ACVR1: variants seen among roughly 807,000 people sequenced by gnomAD.
ACVR1 encodes the protein activin receptor type-1.
In ACVR1, 38 loss-of-function variants were observed where a neutral mutation model predicts 57.1. That is an observed-to-expected ratio of 0.67 (90% CI 0.51 to 0.87). The LOEUF (loss-of-function observed/expected upper bound fraction) is 0.87, where lower values mean the gene tolerates loss of function less well. ACVR1 is among the 40% of genes least tolerant of loss of function. The pLI, the probability that ACVR1 is intolerant of heterozygous loss-of-function variation, is 0.00. For synonymous variants in ACVR1, 212 were observed against 228.1 expected (o/e 0.93, Z 0.63); for missense variants, 463 against 638.2 (o/e 0.73, Z 2.96).
At chr2:157,798,410 C>T (rs1687199911) in intron 3 of ACVR1, among the ~76,000 whole-genome samples, 1 of 151,574 alleles carries the variant, frequency 6.6e-6, no homozygotes, top group African/African-American at 2.4e-5. Flanking sequence ...AATCTATTTT[C>T]GAAGATGTTG....
chr2:157,820,747 C>T (rs188785943), intron 1 of ACVR1, among the ~76,000 whole-genome samples: 5 of 152,148 alleles, frequency 3.3e-5, no homozygotes, highest in East Asian at 3.9e-4. Flanking sequence ...TTCTAATTCC[C>T]CTGGTATTTA....
chr2:157,765,933 T>G lies in ACVR1; in HGVS notation c.1054A>C (p.Ile352Leu). Reference sequence around the variant, plus strand: ...TTTAGAAATTTACCCAAATCTGCTATGCAACACTGTCCATTCTTCTTAACC... The same window carrying G: ...TTTAGAAATTTACCCAAATCTGCTAGGCAACACTGTCCATTCTTCTTAACC... ...ILVKKNGQCC[I>L]ADLGLAVMHS... The change falls in exon 8 of 11, where the codon ATA becomes CTA. Residue 352 changes from isoleucine (I) to leucine (L), a missense_variant. Ile to Leu is a conservative substitution (Grantham distance 5). Around this residue, in one of 3 missense-constraint regions of ACVR1, gnomAD observed 114 missense variants for 216.2 expected, o/e 0.53. Coordinates refer to ENST00000434821, the MANE Select transcript of ACVR1 (RefSeq NM_001111067.4). The G allele has an allele frequency of 1.2e-6, 2 of 1,614,124 alleles. No individual in the cohort carries two copies. Among genetic ancestry groups the G allele is most frequent in the Non-Finnish European group, 1.7e-6 (2 of 1,180,016 alleles).
rs201217132 is a variant in ACVR1 at position 157,816,963 on chromosome 2, A to AT, written c.-8+1421dup. On this transcript the variant is annotated intron_variant, in intron 2 of 10. Coordinates refer to ENST00000434821, the MANE Select transcript of ACVR1 (RefSeq NM_001111067.4). ...AGCATTTCATCCTGGATAGCGAGACATTTTTTTTTTTTTTGATACAAGGTC... is the reference window on the plus strand; with the variant it reads ...AGCATTTCATCCTGGATAGCGAGACATTTTTTTTTTTTTTTGATACAAGGTC... 2.0e-3 allele frequency among the ~76,000 whole-genome samples: 284 copies of AT among 144,906 alleles called. 3 individuals carry two copies. The highest frequency in any genetic ancestry group is 3.6e-3 in the Middle Eastern group (1 of 278).
intron 2 of ACVR1, among the ~76,000 whole-genome samples, chr2:157,809,246 G>T (rs1687664154): frequency 6.6e-6 from 1 of 152,074 alleles, no homozygotes. Context: ...CCTTGGAAAA[G>T]AATTCTCTTA....
chr2:157,805,974 C>A (rs1338820432), intron 2 of ACVR1, among the ~76,000 whole-genome samples: 1 of 151,812 alleles, frequency 6.6e-6, no homozygotes, highest in Non-Finnish European at 1.5e-5. Flanking sequence ...CAGGCACATG[C>A]CACCATGTCT....
rs531994947 is a variant in ACVR1 at position 157,742,075 on chromosome 2, C to T, written c.1265-3505G>A. On this transcript the variant is annotated intron_variant, in intron 9 of 10. Coordinates refer to ENST00000434821, the MANE Select transcript of ACVR1 (RefSeq NM_001111067.4). Reference sequence around the variant, plus strand: ...TAGGTGCATGTGGTGGCAGGAGAGCCGGGGGAGAAGAAGGGGACAGGAGGT... The same window carrying T: ...TAGGTGCATGTGGTGGCAGGAGAGCTGGGGGAGAAGAAGGGGACAGGAGGT... Among the ~76,000 whole-genome samples, 37 of 152,008 alleles carry T rather than the reference C, an allele frequency of 2.4e-4. 1 individual carries two copies. The South Asian group carries it at 4.6e-3, about 19-fold the overall frequency.
intron 10 of ACVR1, among the ~76,000 whole-genome samples, 157 bp from the exon 11 acceptor site, chr2:157,737,822 TA>T (rs1339070418): frequency 1.3e-5 from 2 of 152,202 alleles, no homozygotes; most frequent in Non-Finnish European, 1.5e-5. Flanking sequence ...ATTCAACCTT[TA>T]ACCACTGATA....
chr2:157,756,858 T>C (rs956652904), intron 9 of ACVR1, among the ~76,000 whole-genome samples: 1 of 151,538 alleles, frequency 6.6e-6, no homozygotes, highest in African/African-American at 2.4e-5. Context: ...CACACATTTA[T>C]AGCAGCACAG....
intron 1 of ACVR1, among the ~76,000 whole-genome samples, chr2:157,827,559 A>G (rs375728830): frequency 6.6e-6 from 1 of 152,212 alleles, no homozygotes; most frequent in Non-Finnish European, 1.5e-5. Context: ...ATAGTCTCTT[A>G]CTTATCTCTG....
intron 9 of ACVR1, among the ~76,000 whole-genome samples, chr2:157,745,455 T>C (rs564250704): frequency 6.6e-6 from 1 of 152,284 alleles, no homozygotes; most frequent in Non-Finnish European, 1.5e-5. Flanking sequence ...CTTTTAGAAG[T>C]GTGTCAAGGA....
chr2:157,847,994 G>T (rs1312246557), intron 1 of ACVR1, among the ~76,000 whole-genome samples: 4 of 152,150 alleles, frequency 2.6e-5, no homozygotes, highest in African/African-American at 9.7e-5. Flanking sequence ...CAACAACAAG[G>T]AGAGTTTGAG....
chr2:157,796,847 T>G (rs1360867858), intron 3 of ACVR1, among the ~76,000 whole-genome samples: 1 of 152,166 alleles, frequency 6.6e-6, no homozygotes, highest in African/African-American at 2.4e-5. Flanking sequence ...CATTTCCTCG[T>G]ATTAATTCCT....
At chr2:157,767,792 T>C (rs16842021) in intron 7 of ACVR1, among the ~76,000 whole-genome samples, 2,493 of 152,284 alleles carry the variant, frequency 0.016, 63 homozygotes, top group African/African-American at 0.057. Context: ...CTATCAACTC[T>C]GAATTTAGTG....
intron 1 of ACVR1, among the ~76,000 whole-genome samples, chr2:157,848,376 G>C (rs1207880157): frequency 1.3e-5 from 2 of 152,202 alleles, no homozygotes; most frequent in African/African-American, 4.8e-5. Context: ...CCCATGCAGA[G>C]AGACCACATG....
intron 1 of ACVR1, among the ~76,000 whole-genome samples, chr2:157,832,544 T>C: frequency 6.6e-6 from 1 of 152,190 alleles, no homozygotes; most frequent in East Asian, 1.9e-4. Flanking sequence ...ACCTTGTCTA[T>C]GATACATAAA....
intron 2 of ACVR1, among the ~76,000 whole-genome samples, chr2:157,815,921 A>C (rs1687918584): frequency 6.6e-6 from 1 of 152,318 alleles, no homozygotes; most frequent in Non-Finnish European, 1.5e-5. Flanking sequence ...CTAATGTGAA[A>C]GGTCTCCCGC....
At chr2:157,864,154 G>A (rs1467422191) in intron 1 of ACVR1, among the ~76,000 whole-genome samples, 1 of 151,696 alleles carries the variant, frequency 6.6e-6, no homozygotes, top group East Asian at 1.9e-4. Context: ...GAGCCACCGT[G>A]CCCTGCCTTG....
intron 1 of ACVR1, among the ~76,000 whole-genome samples, chr2:157,832,035 T>C (rs186109571): frequency 1.4e-4 from 22 of 152,358 alleles, no homozygotes; most frequent in African/African-American, 5.3e-4. Context: ...GCTGTACTCC[T>C]GGACCTAGCT....
At chr2:157,794,223 A>T (rs767144645) in intron 3 of ACVR1, among the ~76,000 whole-genome samples, 1 of 152,216 alleles carries the variant, frequency 6.6e-6, no homozygotes, top group Non-Finnish European at 1.5e-5. Context: ...TTAGAGCATG[A>T]TTAGTCTTAT....
Sources: allele counts gnomAD v4.1 joint callset (sites outside exome capture counted in the v4.1 genomes callset), GRCh38; gene constraint gnomAD v4.1.1; regional missense constraint gnomAD v4.1.1; transcripts MANE v1.5; gene names NCBI Gene and HGNC (gene_info 2026-07-23, HGNC 2026-07-21).